NTRK3: variants seen among roughly 807,000 people sequenced by gnomAD.
NTRK3 encodes the protein neurotrophic receptor tyrosine kinase 3, also known as NT-3 growth factor receptor.
NTRK3 carries 24 observed loss-of-function variants against 91.7 expected under a neutral mutation model. That is an observed-to-expected ratio of 0.26 (90% CI 0.19 to 0.37). The LOEUF (loss-of-function observed/expected upper bound fraction) is 0.37, where lower values mean the gene tolerates loss of function less well. Among genes scored for constraint, NTRK3 ranks in the 10% least tolerant of loss-of-function variants. NTRK3 has a pLI of 1.00. For synonymous variants in NTRK3, 483 were observed against 404.0 expected (o/e 1.20, Z -2.34); for missense variants, 880 against 1,068.9 (o/e 0.82, Z 2.46).
intron 14 of NTRK3, among the ~76,000 whole-genome samples, chr15:87,964,301 G>A (rs185731766): frequency 1.3e-5 from 2 of 151,916 alleles, no homozygotes; most frequent in East Asian, 3.9e-4. Context: ...TAGACAGATA[G>A]ATCAATCTGT....
exon 19 of NTRK3, chr15:87,872,412 C>T (rs11073750): frequency 0.58 from 131,511 of 225,234 alleles, 41,412 homozygotes; most frequent in East Asian, 0.68. Flanking sequence ...TGCCCTCTTT[C>T]AAACATCCCG....
intron 3 of NTRK3, among the ~76,000 whole-genome samples, chr15:88,242,190 A>G (rs2052422775): frequency 6.6e-6 from 1 of 152,140 alleles, no homozygotes; most frequent in Admixed American, 6.5e-5. Flanking sequence ...TAAACTACCC[A>G]CAGCCCAAAT....
chr15:87,913,977 T>C (rs901629611), intron 17 of NTRK3, among the ~76,000 whole-genome samples: 3 of 152,200 alleles, frequency 2.0e-5, no homozygotes, highest in African/African-American at 7.2e-5. Context: ...TGTTCATCCC[T>C]TCCTGGCTCT....
At chr15:88,203,558 G>A (rs1312515619) in intron 3 of NTRK3, among the ~76,000 whole-genome samples, 3 of 152,120 alleles carry the variant, frequency 2.0e-5, no homozygotes, top group Non-Finnish European at 4.4e-5. Context: ...ACCTCACACG[G>A]CTAAAAGAGG....
intron 13 of NTRK3, among the ~76,000 whole-genome samples, chr15:88,049,933 C>T (rs899872637): frequency 1.3e-5 from 2 of 152,224 alleles, no homozygotes; most frequent in African/African-American, 4.8e-5. Context: ...TAGGCACACA[C>T]TTGGCATTGT....
At chr15:88,249,031 G>T (rs2053108627) in intron 3 of NTRK3, among the ~76,000 whole-genome samples, 1 of 152,288 alleles carries the variant, frequency 6.6e-6, no homozygotes, top group Admixed American at 6.5e-5. Context: ...GCCTGGAGGA[G>T]CTGCTGGGAA....
intron 17 of NTRK3, among the ~76,000 whole-genome samples, chr15:87,923,045 C>G (rs1016619832): frequency 2.6e-5 from 4 of 152,226 alleles, no homozygotes; most frequent in Non-Finnish European, 4.4e-5. Context: ...AAATAACTCT[C>G]TCCACATTCA....
At chr15:87,898,231 C>A (rs2066245016) in intron 17 of NTRK3, among the ~76,000 whole-genome samples, 1 of 152,202 alleles carries the variant, frequency 6.6e-6, no homozygotes, top group South Asian at 2.1e-4. Flanking sequence ...GGATGAGAAA[C>A]CACTTCAGGG....
intron 17 of NTRK3, among the ~76,000 whole-genome samples, chr15:87,909,657 G>A (rs1216309734): frequency 1.3e-5 from 2 of 152,196 alleles, no homozygotes; most frequent in Non-Finnish European, 2.9e-5. Flanking sequence ...CTCATTATGG[G>A]GAAGTCCTAA....
exon 19 of NTRK3, chr15:87,873,968 G>A: frequency 8.7e-6 from 2 of 229,396 alleles, no homozygotes; most frequent in Non-Finnish European, 1.7e-5. Flanking sequence ...GAGAAAAATG[G>A]CACAGTGACA....
intron 5 of NTRK3, among the ~76,000 whole-genome samples, chr15:88,178,851 AG>A (rs890313695): frequency 6.6e-5 from 10 of 152,334 alleles, no homozygotes; most frequent in African/African-American, 1.7e-4. Context: ...CTGAATCCCC[AG>A]GGGGAAAGAG....
At chr15:87,946,886 T>C (rs1004390503) in intron 14 of NTRK3, among the ~76,000 whole-genome samples, 2 of 143,184 alleles carry the variant, frequency 1.4e-5, no homozygotes, top group African/African-American at 2.6e-5. Context: ...TTTTTTTTTT[T>C]TTTTTTTTTT....
At chr15:88,181,770 A>C (rs1471855403) in intron 5 of NTRK3, among the ~76,000 whole-genome samples, 2 of 152,092 alleles carry the variant, frequency 1.3e-5, no homozygotes, top group Admixed American at 1.3e-4. Context: ...GTCTGACCAC[A>C]CCAGGCCCCA....
chr15:88,092,568 C>T (rs1207115167), intron 13 of NTRK3, among the ~76,000 whole-genome samples: 1 of 152,196 alleles, frequency 6.6e-6, no homozygotes, highest in African/African-American at 2.4e-5. Flanking sequence ...GAAGGTGTGT[C>T]CATTTCTTAT....
Position 88,137,355 on chromosome 15 carries a change from T to C in NTRK3, c.622+49A>G, listed in dbSNP as rs928638009. 3.1e-6 allele frequency: 5 copies of C among 1,605,428 alleles called. No homozygotes were observed. The African/African-American group carries it at 4.0e-5, about 13-fold the overall frequency. ...AACGTCCAGCACCATCTCTGGTGTC[T>C]GAGGGATGCCTCCCTGGAGCCAGCT... On this transcript the variant is annotated intron_variant, in intron 7 of 18. Coordinates refer to ENST00000394480, the Ensembl canonical transcript of NTRK3.
chr15:87,941,508 G>C (rs1405479136), intron 14 of NTRK3, among the ~76,000 whole-genome samples: 1 of 151,292 alleles, frequency 6.6e-6, no homozygotes, highest in East Asian at 1.9e-4. Flanking sequence ...AAGACACATT[G>C]GTTTTTGTGG....
chr15:87,964,631 C>CGATTA lies in NTRK3; in HGVS notation c.1586-23879_1586-23878insTAATC, dbSNP rs2072626634. On this transcript the variant is annotated intron_variant, in intron 14 of 18. Transcript: ENST00000394480. ...ATCACCCCAACAAGAACCCTGGGTC[C>CGATTA]ATTTATAGTTAATCCCTGCTTCCAA... 2.0e-5 allele frequency among the ~76,000 whole-genome samples: 3 copies of CGATTA among 152,242 alleles called. No homozygotes were observed. In the South Asian group the frequency reaches 6.2e-4, roughly 32 times the overall value.
At chr15:87,866,446 C>T (rs966955838) in exon 19 of NTRK3, 14 of 162,558 alleles carry the variant, frequency 8.6e-5, no homozygotes, top group Middle Eastern at 2.6e-3. Flanking sequence ...TATATATATA[C>T]ACACACACCC....
At chr15:88,007,871 C>A (rs61211559) in intron 14 of NTRK3, among the ~76,000 whole-genome samples, 5 of 152,168 alleles carry the variant, frequency 3.3e-5, no homozygotes, top group African/African-American at 1.2e-4. Context: ...GGACCCCTAA[C>A]GTGCCTTATA....
Sources: allele counts gnomAD v4.1 joint callset (sites outside exome capture counted in the v4.1 genomes callset), GRCh38; gene constraint gnomAD v4.1.1; transcripts MANE v1.5; gene names NCBI Gene and HGNC (gene_info 2026-07-23, HGNC 2026-07-21).